The following PPARGC1B variants were observed in gnomAD, a reference collection of about 807,000 sequenced individuals.
PPARGC1B encodes PPARG coactivator 1 beta.
In PPARGC1B, 34 loss-of-function variants were observed where a neutral mutation model predicts 101.6. The ratio of observed to expected loss-of-function variants is 0.33; its 90% CI spans 0.25 to 0.45. PPARGC1B has a LOEUF of 0.45. PPARGC1B is among the 20% of genes least tolerant of loss of function. The probability of loss-of-function intolerance (pLI) is 1.00; values close to 1 mark genes in which losing one functional copy is unlikely to be tolerated. For synonymous variants in PPARGC1B, 548 were observed against 539.3 expected (o/e 1.02, Z -0.22); for missense variants, 1,234 against 1,317.6 (o/e 0.94, Z 0.98).
At chr5:149,754,774 ATT>A (rs10560122) in intron 1 of PPARGC1B, among the ~76,000 whole-genome samples, 9,850 of 68,414 alleles carry the variant, frequency 0.14, 639 homozygotes, top group African/African-American at 0.2. Flanking sequence ...GAGCATCCTG[ATT>A]TTTTTTTTTT....
At chr5:149,805,589 A>G (rs977760353) in intron 1 of PPARGC1B, among the ~76,000 whole-genome samples, 1 of 152,070 alleles carries the variant, frequency 6.6e-6, no homozygotes, top group African/African-American at 2.4e-5. Flanking sequence ...ACAGGCGTGC[A>G]CCACCACGCC....
chr5:149,855,829 A>G (rs1397571434), downstream of PPARGC1B, among the ~76,000 whole-genome samples: 1 of 152,202 alleles, frequency 6.6e-6, no homozygotes, highest in Non-Finnish European at 1.5e-5. Flanking sequence ...TATATAAACA[A>G]GAACAGGCTG....
chr5:149,829,796 G>A (rs1758673221), intron 3 of PPARGC1B, among the ~76,000 whole-genome samples: 1 of 151,912 alleles, frequency 6.6e-6, no homozygotes, highest in Non-Finnish European at 1.5e-5. Context: ...AGCACTTTGG[G>A]AGGCCGAGGC....
intron 1 of PPARGC1B, among the ~76,000 whole-genome samples, chr5:149,742,129 G>A (rs1224793044): frequency 6.6e-6 from 1 of 152,164 alleles, no homozygotes; most frequent in Non-Finnish European, 1.5e-5. Context: ...TAATCTCAGA[G>A]GAACCCCATG....
intron 1 of PPARGC1B, among the ~76,000 whole-genome samples, chr5:149,795,959 C>A (rs144322883): frequency 4.1e-4 from 63 of 152,210 alleles, no homozygotes; most frequent in Middle Eastern, 6.8e-3. Context: ...TGATGCATGT[C>A]AAGAGCTCAG....
chr5:149,820,408 A>G lies in PPARGC1B; in HGVS notation c.79-25A>G, dbSNP rs753536033. The G allele has an allele frequency of 2.5e-5, 40 of 1,609,052 alleles. No homozygotes were observed. The East Asian group carries it at 3.6e-4, about 14-fold the overall frequency. Reference sequence around the variant, plus strand: ...GTCTAGCCAGCCTCAGCTCTGATCCACCTCTTTCCTTCCTGTCTCCTCAGG... The same window carrying G: ...GTCTAGCCAGCCTCAGCTCTGATCCGCCTCTTTCCTTCCTGTCTCCTCAGG... On this transcript the variant is annotated intron_variant, in intron 1 of 11. Coordinates refer to ENST00000309241, the MANE Select transcript of PPARGC1B (RefSeq NM_133263.4).
At chr5:149,733,641 G>A (rs1754585168) in intron 1 of PPARGC1B, among the ~76,000 whole-genome samples, 1 of 152,140 alleles carries the variant, frequency 6.6e-6, no homozygotes, top group African/African-American at 2.4e-5. Flanking sequence ...GGTGCAGCTG[G>A]GTCCTGCCAA....
intron 1 of PPARGC1B, among the ~76,000 whole-genome samples, chr5:149,759,974 C>T (rs1310782379): frequency 6.6e-6 from 1 of 152,234 alleles, no homozygotes; most frequent in Non-Finnish European, 1.5e-5. Flanking sequence ...TTGGAACACC[C>T]ATTATGTGCA....
chr5:149,742,203 G>T (rs1754934885), intron 1 of PPARGC1B, among the ~76,000 whole-genome samples: 1 of 152,134 alleles, frequency 6.6e-6, no homozygotes, highest in African/African-American at 2.4e-5. Flanking sequence ...AGAGTTTGTG[G>T]TGCTGGTGCT....
intron 1 of PPARGC1B, among the ~76,000 whole-genome samples, chr5:149,740,633 C>G (rs1283823992): frequency 6.6e-6 from 1 of 152,188 alleles, no homozygotes; most frequent in African/African-American, 2.4e-5. Context: ...TTTTAACTGC[C>G]TATGGTTTAA....
chr5:149,792,569 TGGCCGGCGGC>T (rs1337215193), intron 1 of PPARGC1B, among the ~76,000 whole-genome samples: 1 of 152,232 alleles, frequency 6.6e-6, no homozygotes. Context: ...ATTCTAATTC[TGGCCGGCGGC>T]ACTACTTTTG....
downstream of PPARGC1B, among the ~76,000 whole-genome samples, chr5:149,856,147 A>T (rs1023482898): frequency 6.6e-5 from 10 of 152,190 alleles, no homozygotes; most frequent in Non-Finnish European, 1.5e-4. Context: ...GGTGCAATGA[A>T]TGATTACATT....
At chr5:149,807,371 A>G (rs138909360) in intron 1 of PPARGC1B, among the ~76,000 whole-genome samples, 153 of 151,992 alleles carry the variant, frequency 1.0e-3, no homozygotes, top group African/African-American at 3.5e-3. Context: ...CATGGCAAGG[A>G]AAGGAAGCAC....
At chr5:149,820,365 G>T in intron 1 of PPARGC1B, 68 bp from the exon 2 acceptor site, 1 of 1,464,752 alleles carries the variant, frequency 6.8e-7, no homozygotes, top group South Asian at 1.2e-5. Flanking sequence ...CATCATTATT[G>T]AGAGGGCCCC....
At chr5:149,841,587 C>G (rs1034923267) in intron 9 of PPARGC1B, among the ~76,000 whole-genome samples, 2 of 152,184 alleles carry the variant, frequency 1.3e-5, no homozygotes, top group Non-Finnish European at 2.9e-5. Flanking sequence ...CAGGAACAAG[C>G]CTGCAGCTTC....
At chr5:149,839,318 C>T (rs1759237325) in intron 8 of PPARGC1B, among the ~76,000 whole-genome samples, 1 of 152,176 alleles carries the variant, frequency 6.6e-6, no homozygotes, top group South Asian at 2.1e-4. Context: ...GGCGGTGGGG[C>T]CAAGCTTCAA....
intron 1 of PPARGC1B, among the ~76,000 whole-genome samples, chr5:149,736,964 G>A (rs918136669): frequency 6.6e-6 from 1 of 151,998 alleles, no homozygotes; most frequent in Non-Finnish European, 1.5e-5. Flanking sequence ...TTACATTAGG[G>A]TTCACTCCGT....
intron 10 of PPARGC1B, among the ~76,000 whole-genome samples, chr5:149,844,857 A>G (rs1189896306): frequency 6.6e-6 from 1 of 152,146 alleles, no homozygotes; most frequent in African/African-American, 2.4e-5. Flanking sequence ...TGGAAGTGAA[A>G]AGTTGGAATA....
intron 1 of PPARGC1B, among the ~76,000 whole-genome samples, chr5:149,783,074 C>T (rs1756649678): frequency 7.0e-6 from 1 of 142,040 alleles, no homozygotes; most frequent in South Asian, 2.3e-4. Flanking sequence ...ATTGATGTCA[C>T]ACTGGAATGA....
Sources: allele counts gnomAD v4.1 joint callset (sites outside exome capture counted in the v4.1 genomes callset), GRCh38; gene constraint gnomAD v4.1.1; transcripts MANE v1.5; gene names NCBI Gene and HGNC (gene_info 2026-07-23, HGNC 2026-07-21).